SNX9: variants seen among roughly 807,000 people sequenced by gnomAD.
SNX9 encodes sorting nexin-9.
In SNX9, 44 loss-of-function variants were observed where a neutral mutation model predicts 89.4. That is an observed-to-expected ratio of 0.49 (90% CI 0.39 to 0.63). The LOEUF is 0.63. Ranked by LOEUF, SNX9 falls within the 30% of genes least tolerant of loss-of-function variation. The probability of loss-of-function intolerance (pLI) is 0.00; values close to 1 mark genes in which losing one functional copy is unlikely to be tolerated. For synonymous variants in SNX9, 236 were observed against 247.8 expected, an observed-to-expected ratio of 0.95 and a Z score of 0.45; for missense variants, 578 against 736.1, an observed-to-expected ratio of 0.79 and a Z score of 2.49.
chr6:157,876,344 C>CG (rs1296159697), intron 4 of SNX9, among the ~76,000 whole-genome samples: 1 of 152,132 alleles, frequency 6.6e-6, no homozygotes, highest in Non-Finnish European at 1.5e-5. Flanking sequence ...CCAAGCTGCT[C>CG]GGGGGGCTGA....
At chr6:157,857,946 G>T (rs1235290568) in intron 1 of SNX9, among the ~76,000 whole-genome samples, 1 of 152,112 alleles carries the variant, frequency 6.6e-6, no homozygotes, top group African/African-American at 2.4e-5. Flanking sequence ...GACAATGCGT[G>T]GTTCTTGTGG....
chr6:157,859,731 G>C (rs1782081642), intron 1 of SNX9, among the ~76,000 whole-genome samples: 1 of 152,154 alleles, frequency 6.6e-6, no homozygotes, highest in Non-Finnish European at 1.5e-5. Context: ...AAGGGCCATT[G>C]TATTCTTTAA....
At chr6:157,905,751 T>C (rs768791070) in intron 6 of SNX9, among the ~76,000 whole-genome samples, 1 of 152,226 alleles carries the variant, frequency 6.6e-6, no homozygotes, top group African/African-American at 2.4e-5. Flanking sequence ...TGCCAGCATG[T>C]GGCTATTGCC....
At chr6:157,870,148 C>A (rs964810011) in intron 2 of SNX9, among the ~76,000 whole-genome samples, 1 of 151,554 alleles carries the variant, frequency 6.6e-6, no homozygotes, top group Non-Finnish European at 1.5e-5. Context: ...AGCACACACA[C>A]CCCTCACTCA....
intron 7 of SNX9, 91 bp from the exon 8 acceptor site, chr6:157,909,574 A>C: frequency 6.7e-7 from 1 of 1,494,000 alleles, no homozygotes; most frequent in Non-Finnish European, 9.2e-7. Context: ...AGGACTTCTC[A>C]TTCTGAAAAG....
intron 1 of SNX9, among the ~76,000 whole-genome samples, chr6:157,866,303 G>A (rs542213311): frequency 6.6e-6 from 1 of 152,196 alleles, no homozygotes; most frequent in Non-Finnish European, 1.5e-5. Context: ...TTCATTTAGG[G>A]CTGGTCATAG....
intron 2 of SNX9, chr6:157,872,424 A>G (rs1184768722): frequency 2.0e-5 from 3 of 152,250 alleles, no homozygotes; most frequent in South Asian, 4.2e-4. Context: ...CCCAGTAACC[A>G]TTTGTTACTG....
At chr6:157,836,856 G>C (rs1479399242) in intron 1 of SNX9, among the ~76,000 whole-genome samples, 1 of 152,150 alleles carries the variant, frequency 6.6e-6, no homozygotes, top group African/African-American at 2.4e-5. Flanking sequence ...CTCCCAAAGT[G>C]CTGGGATTAC....
chr6:157,940,805 G>A, intron 16 of SNX9, 78 bp from the exon 17 acceptor site: 1 of 1,276,856 alleles, frequency 7.8e-7, no homozygotes, highest in East Asian at 2.3e-5. Context: ...ATGATTAATT[G>A]TAACTGAGCA....
At chr6:157,833,107 G>T (rs1041172787) in intron 1 of SNX9, among the ~76,000 whole-genome samples, 1 of 152,142 alleles carries the variant, frequency 6.6e-6, no homozygotes, top group Non-Finnish European at 1.5e-5. Flanking sequence ...TTTAAAATGT[G>T]CGAGTTTAAA....
At chr6:157,907,857 A>G (rs1284166139) in intron 7 of SNX9, among the ~76,000 whole-genome samples, 2 of 152,244 alleles carry the variant, frequency 1.3e-5, no homozygotes, top group African/African-American at 4.8e-5. Context: ...ATTGGGCCTT[A>G]GCCAAGCACA....
chr6:157,843,876 T>TG (rs1034565274), intron 1 of SNX9, among the ~76,000 whole-genome samples: 1 of 147,280 alleles, frequency 6.8e-6, no homozygotes, highest in African/African-American at 2.5e-5. Context: ...ATTTGTCTTT[T>TG]TTTTTTTTTT....
chr6:157,894,815 T>G (rs1476713502), intron 4 of SNX9, among the ~76,000 whole-genome samples: 1 of 152,246 alleles, frequency 6.6e-6, no homozygotes, highest in Non-Finnish European at 1.5e-5. Context: ...ACAGTCTCCT[T>G]AAGCCTAGCA....
At chr6:157,918,284 T>C (rs1783515280) in intron 9 of SNX9, among the ~76,000 whole-genome samples, 1 of 152,188 alleles carries the variant, frequency 6.6e-6, no homozygotes, top group Non-Finnish European at 1.5e-5. Context: ...TGAGTCTCTC[T>C]TGTTAGGTAG....
Position 157,823,664 on chromosome 6 carries a change from GA to G in SNX9, c.12+219del, listed in dbSNP as rs1034770367. The stretch of plus-strand genomic sequence containing the variant: ...ACAGACCACCAGGATCGCACCGGGG[GA>G]CGGCGTCGGGTCTGGGCGCGGGTTG... On this transcript the variant is annotated intron_variant, in intron 1 of 17. Coordinates refer to ENST00000392185, the MANE Select transcript of SNX9 (RefSeq NM_016224.5). This position sits in a 1 kb window ranked among gnomAD's most constrained non-coding sequence, Gnocchi z 4.6. Among the ~76,000 whole-genome samples, 4 of 151,984 alleles carry G rather than the reference GA, an allele frequency of 2.6e-5. No individual in the cohort carries two copies. The highest frequency in any genetic ancestry group is 6.6e-5 in the Admixed American group (1 of 15,260).
rs570701730 is a variant in SNX9 at position 157,910,613 on chromosome 6, T to C, written c.949+588T>C. Among the ~76,000 whole-genome samples the C allele has an allele frequency of 3.8e-4, 58 of 152,302 alleles. No individual in the cohort carries two copies. The Middle Eastern group carries it at 0.01, about 27-fold the overall frequency. ...ATTATTACCCTCTCCCTTCTCTTGT[T>C]TTTTAAGTGCCACATTCCCTCCCCT... is the stretch of plus-strand genomic sequence containing the variant. On this transcript the variant is annotated intron_variant, in intron 9 of 17. Coordinates refer to ENST00000392185, the MANE Select transcript of SNX9 (RefSeq NM_016224.5).
At chr6:157,885,821 G>T (rs1030706755) in intron 4 of SNX9, among the ~76,000 whole-genome samples, 1 of 152,202 alleles carries the variant, frequency 6.6e-6, no homozygotes, top group Admixed American at 6.5e-5. Context: ...GGGATGATCT[G>T]TACTGACCTG....
rs1196595504 is a variant in SNX9 at position 157,944,501 on chromosome 6, CTG to C, written c.*1665_*1666del. 1.3e-5 allele frequency: 2 copies of C among 152,570 alleles called. No individual in the cohort carries two copies. The highest frequency in any genetic ancestry group is 2.1e-4 in the South Asian group (1 of 4,830). 9.5% of individuals were successfully genotyped at this position (152,570 alleles called of 1,614,324 possible). ...CATATAAATAAATTGTTTAAAAAAA[CTG>C]TACAGTAAATTCTCAAAGCACTTTT... On this transcript the variant is annotated 3_prime_UTR_variant, in exon 18 of 18. Transcript: ENST00000392185.
chr6:157,825,233 GCGAGACTCCGTTTGAAAAAAGAAAAGA>G (rs1471955310), intron 1 of SNX9, among the ~76,000 whole-genome samples: 24 of 152,290 alleles, frequency 1.6e-4, no homozygotes, highest in African/African-American at 3.9e-4. Context: ...GGGCGACAGA[GCGAGACTCCGTTTGAAAAAAGAAAAGA>G]CGAGACTCCG....
Sources: gnomAD v4.1 joint callset for allele counts (sites outside exome capture counted in the v4.1 genomes callset) on GRCh38, gnomAD v4.1.1 for gene constraint, Gnocchi (gnomAD v3.1) non-coding constraint, MANE v1.5 for transcripts, NCBI Gene and HGNC (gene_info 2026-07-23, HGNC 2026-07-21) for gene names.